Variants in RHOBTB2 observed in about 807,000 individuals in gnomAD.
RHOBTB2 encodes Rho related BTB domain containing 2.
A neutral mutation model predicts 66.5 loss-of-function variants in RHOBTB2; 39 were observed. The ratio of observed to expected loss-of-function variants is 0.59; its 90% CI spans 0.45 to 0.77. RHOBTB2 has a LOEUF of 0.77. RHOBTB2 is among the 30% of genes least tolerant of loss of function. RHOBTB2 has a pLI of 0.00. For synonymous variants in RHOBTB2, 390 were observed against 395.0 expected (o/e 0.99, Z 0.15); for missense variants, 755 against 999.1 (o/e 0.76, Z 3.29).
At chr8:22,994,976 G>A (rs2128798346), upstream of RHOBTB2, among the ~76,000 whole-genome samples, 1 of 152,312 alleles carries the variant, frequency 6.6e-6, no homozygotes, top group African/African-American at 2.4e-5. Context: ...TTGTTGGCCA[G>A]GCTGGTCTCA....
Position 23,010,554 on chromosome 8 carries a change from C to T in RHOBTB2, c.1637C>T (p.Thr546Ile). 1 of 1,613,636 alleles carries T rather than the reference C, an allele frequency of 6.2e-7. No individual in the cohort carries two copies. The highest frequency in any genetic ancestry group is 8.5e-7 in the Non-Finnish European group (1 of 1,179,678). ...SSTREVVFPYTSKSCMRAVLE... is the reference protein window; with the variant it reads ...SSTREVVFPYISKSCMRAVLE... ...CCTCCCCAGGTGGTGTTTCCCTACACAAGCAAGAGCTGCATGCGGGCCGTG... is the reference window on the plus strand; with the variant it reads ...CCTCCCCAGGTGGTGTTTCCCTACATAAGCAAGAGCTGCATGCGGGCCGTG... The change falls in exon 7 of 10, where the codon ACA becomes ATA. Residue 546 changes from threonine to isoleucine, a missense_variant. By Grantham distance (89) the Thr-to-Ile change is moderately conservative (BLOSUM62 -1). This residue lies in a region of RHOBTB2 where 353 missense variants were observed against 458.2 expected (regional missense o/e 0.77). Transcript: ENST00000251822.
the RHOBTB2 span, among the ~76,000 whole-genome samples, chr8:22,964,820 A>G: frequency 8.3e-6 from 1 of 120,074 alleles, no homozygotes; most frequent in Non-Finnish European, 2.0e-5. Flanking sequence ...TTATTTATTT[A>G]TTTATTTATT....
Position 23,011,945 on chromosome 8 carries a change from G to C in RHOBTB2, c.1771+1257G>C, listed in dbSNP as rs138966259. Among the ~76,000 whole-genome samples the C allele has an allele frequency of 3.1e-3, 468 of 152,268 alleles. 2 individuals carry two copies. The highest frequency in any genetic ancestry group is 0.01 in the African/African-American group (435 of 41,538). On this transcript the variant is annotated intron_variant, in intron 7 of 9. Transcript: ENST00000251822. ...GAAAAATGAATGATAAGGTGGGGCT[G>C]GGTTACAGAAAGAAGGCAGAAATCA...
At chr8:23,010,787 G>A (rs1811123167) in intron 7 of RHOBTB2, 99 bp downstream of exon 7, 1 of 1,296,414 alleles carries the variant, frequency 7.7e-7, no homozygotes, top group African/African-American at 1.5e-5. Flanking sequence ...GGGACAAGCT[G>A]ATGTCCAAGG....
chr8:23,001,615 T>A (rs1810785496), intron 1 of RHOBTB2, among the ~76,000 whole-genome samples: 2 of 152,136 alleles, frequency 1.3e-5, no homozygotes, highest in Non-Finnish European at 2.9e-5. Flanking sequence ...GACAAATACC[T>A]CCTTTCAGCC....
At chr8:22,955,564 C>CTTTTTT in the RHOBTB2 span, among the ~76,000 whole-genome samples, 2 of 103,968 alleles carry the variant, frequency 1.9e-5, no homozygotes, top group African/African-American at 3.5e-5. Context: ...TTCAATAAAT[C>CTTTTTT]TTTTTTTTTT....
intron 2 of RHOBTB2, among the ~76,000 whole-genome samples, chr8:22,994,201 A>G (rs890756842): frequency 1.3e-5 from 2 of 152,182 alleles, no homozygotes; most frequent in Non-Finnish European, 2.9e-5. Context: ...AGGGAAGGAT[A>G]TTGTCCAGTG....
Position 23,017,019 on chromosome 8 carries a change from G to A in RHOBTB2, c.1967-233G>A, listed in dbSNP as rs142585793. Among the ~76,000 whole-genome samples, 17 of 152,160 alleles carry A rather than the reference G, an allele frequency of 1.1e-4. No individual in the cohort carries two copies. Among genetic ancestry groups the A allele is most frequent in the African/African-American group, 4.1e-4 (17 of 41,522 alleles). On this transcript the variant is annotated intron_variant, in intron 9 of 9. Transcript: ENST00000251822. The surrounding 1 kb of genome is among the most constrained non-coding windows in gnomAD (Gnocchi z 5.3). ...CGCACAGGAAGCCCTTGTCTAGATCGCCCGTCTTTGGAAAGGAACCCAGCT... is the reference window on the plus strand; with the variant it reads ...CGCACAGGAAGCCCTTGTCTAGATCACCCGTCTTTGGAAAGGAACCCAGCT...
chr8:22,968,199 T>A, the RHOBTB2 span, among the ~76,000 whole-genome samples: 1 of 152,046 alleles, frequency 6.6e-6, no homozygotes, highest in Non-Finnish European at 1.5e-5. Context: ...ATGTTATGAA[T>A]ATTTTTCACA....
chr8:22,981,312 T>A, the RHOBTB2 span, among the ~76,000 whole-genome samples: 1 of 152,178 alleles, frequency 6.6e-6, no homozygotes, highest in African/African-American at 2.4e-5. Context: ...GTGGTGACAA[T>A]CATTTTTAAA....
chr8:22,965,552 C>G, the RHOBTB2 span, among the ~76,000 whole-genome samples: 3 of 152,128 alleles, frequency 2.0e-5, no homozygotes, highest in African/African-American at 7.2e-5. Flanking sequence ...CTACAGTAAT[C>G]AAAACAGTGT....
Position 23,017,425 on chromosome 8 carries a change from G to A in RHOBTB2, c.2140G>A (p.Ala714Thr). The A allele has an allele frequency of 6.2e-7, 1 of 1,609,842 alleles. No homozygotes were observed. The highest frequency in any genetic ancestry group is 1.1e-5 in the South Asian group (1 of 90,490). Residue 714 changes from alanine (A) to threonine (T), a missense_variant, in exon 10 of 10, where the codon GCA becomes ACA. By Grantham distance (58) the Ala-to-Thr change is moderately conservative. Coordinates refer to ENST00000251822, the MANE Select transcript of RHOBTB2 (RefSeq NM_015178.3). This position sits in a 1 kb window ranked among gnomAD's most constrained non-coding sequence, Gnocchi z 5.3. ...CAGTCCATCCTCCCCGTCTTCCTCGGCAGCCTCCTCCTCATCCCCATCTTC... is the reference window on the plus strand; with the variant it reads ...CAGTCCATCCTCCCCGTCTTCCTCGACAGCCTCCTCCTCATCCCCATCTTC... The part of the protein sequence containing the change: ...WNSPSSPSSS[A>T]ASSSSPSSSS...
At chr8:22,995,562 GAAC>G (rs764149381), upstream of RHOBTB2, among the ~76,000 whole-genome samples, 3 of 152,262 alleles carry the variant, frequency 2.0e-5, no homozygotes, top group Non-Finnish European at 4.4e-5. Flanking sequence ...TCGGACTGAA[GAAC>G]TGCTTGTGCA....
intron 7 of RHOBTB2, among the ~76,000 whole-genome samples, chr8:23,012,842 C>A (rs961028733): frequency 2.6e-5 from 4 of 152,086 alleles, no homozygotes; most frequent in African/African-American, 9.7e-5. Context: ...CTCACTTGGT[C>A]TCTCAGGCTG....
At chr8:22,962,910 T>C in the RHOBTB2 span, among the ~76,000 whole-genome samples, 1 of 152,202 alleles carries the variant, frequency 6.6e-6, no homozygotes, top group Non-Finnish European at 1.5e-5. Flanking sequence ...CCTGGGTGGA[T>C]GGAAGCCTCA....
At chr8:22,972,118 C>T in the RHOBTB2 span, among the ~76,000 whole-genome samples, 2 of 152,210 alleles carry the variant, frequency 1.3e-5, no homozygotes, top group Non-Finnish European at 2.9e-5. Flanking sequence ...AGTCACGATG[C>T]CCTCTCTCCC....
intron 1 of RHOBTB2, among the ~76,000 whole-genome samples, chr8:23,001,794 G>A (rs2430807): frequency 0.55 from 83,173 of 150,488 alleles, 24,869 homozygotes; most frequent in East Asian, 0.71. Context: ...TAGAAAGGGT[G>A]AGATGATACA....
chr8:23,001,670 C>T (rs1426961132), intron 1 of RHOBTB2, among the ~76,000 whole-genome samples: 1 of 152,202 alleles, frequency 6.6e-6, no homozygotes, highest in African/African-American at 2.4e-5. Flanking sequence ...GAGACTCTTC[C>T]AATGTCTTCA....
chr8:22,984,119 T>A (rs116832030), upstream of RHOBTB2, among the ~76,000 whole-genome samples: 1,472 of 151,926 alleles, frequency 9.7e-3, 23 homozygotes, highest in African/African-American at 0.033. Context: ...AATGCAAGGC[T>A]GAGTGCAAAA....
Sources: allele counts gnomAD v4.1 joint callset (sites outside exome capture counted in the v4.1 genomes callset), GRCh38; gene constraint gnomAD v4.1.1; regional missense constraint gnomAD v4.1.1; non-coding constraint Gnocchi (gnomAD v3.1); transcripts MANE v1.5; gene names NCBI Gene and HGNC (gene_info 2026-07-23, HGNC 2026-07-21).